Variants in DOCK10 observed in about 807,000 individuals in gnomAD.
DOCK10 encodes dedicator of cytokinesis 10.
A neutral mutation model predicts 280.1 loss-of-function variants in DOCK10; 145 were observed. The observed-to-expected ratio is 0.52, with a 90% CI of 0.45 to 0.59. The LOEUF is 0.59. Among genes scored for constraint, DOCK10 ranks in the 20% least tolerant of loss-of-function variants. The pLI, the probability that DOCK10 is intolerant of heterozygous loss-of-function variation, is 0.00. For missense variants in DOCK10, 2,368 were observed against 2,651.7 expected, an observed-to-expected ratio of 0.89 and a Z score of 2.35; for synonymous variants, 915 against 942.2, an observed-to-expected ratio of 0.97 and a Z score of 0.53.
At chr2:224,841,173 T>G (rs1339799077) in intron 23 of DOCK10, among the ~76,000 whole-genome samples, 1 of 152,172 alleles carries the variant, frequency 6.6e-6, no homozygotes, top group Non-Finnish European at 1.5e-5. Flanking sequence ...GGAGGAATAT[T>G]GCACAACATG....
chr2:224,910,452 G>C (rs1700945608), intron 3 of DOCK10, among the ~76,000 whole-genome samples: 1 of 152,214 alleles, frequency 6.6e-6, no homozygotes, highest in South Asian at 2.1e-4. Context: ...GGACGGAGCT[G>C]GTGGCATGTG....
At chr2:224,931,789 C>A in intron 1 of DOCK10, 121 bp from the exon 2 acceptor site, 2 of 1,099,974 alleles carry the variant, frequency 1.8e-6, no homozygotes, top group Non-Finnish European at 2.5e-6. Flanking sequence ...CCTTCCAATG[C>A]AGTCACAGAG....
chr2:224,991,090 G>A (rs1041112628), intron 1 of DOCK10, among the ~76,000 whole-genome samples: 1 of 152,218 alleles, frequency 6.6e-6, no homozygotes, highest in Admixed American at 6.5e-5. Flanking sequence ...CTACTGGAAG[G>A]ATGTCCCCGG....
intron 3 of DOCK10, among the ~76,000 whole-genome samples, chr2:224,898,136 G>C (rs371083505): frequency 2.9e-4 from 44 of 152,182 alleles, no homozygotes; most frequent in Non-Finnish European, 5.6e-4. Flanking sequence ...AGGATGGAGG[G>C]GGGTGGCCTA....
intron 1 of DOCK10, among the ~76,000 whole-genome samples, chr2:224,984,896 C>T (rs903095483): frequency 3.1e-4 from 45 of 146,042 alleles, no homozygotes; most frequent in African/African-American, 1.1e-3. Flanking sequence ...GGCTGGAGTA[C>T]AGTGGCAGGA....
intron 25 of DOCK10, among the ~76,000 whole-genome samples, chr2:224,835,654 T>G (rs1695543432): frequency 6.6e-6 from 1 of 152,098 alleles, no homozygotes; most frequent in Admixed American, 6.5e-5. Flanking sequence ...AGGAGAAAAC[T>G]GAGGTTCAGA....
At position 224,896,308 on chromosome 2, in the gene DOCK10, G is replaced by A. The variant is rs752177201; in HGVS notation, c.403C>T (p.Arg135Ter). 3.8e-6 allele frequency: 6 copies of A among 1,598,692 alleles called. No individual in the cohort carries two copies. Among genetic ancestry groups the A allele is most frequent in the African/African-American group, 1.3e-5 (1 of 74,462 alleles). Residue 135 changes from arginine to a stop codon, truncating the protein, a stop_gained, in exon 4 of 56, where the codon CGA becomes TGA. Transcript: ENST00000258390. LOFTEE classifies it high-confidence loss of function. ...YKYEQYSGDI[R>*]QLPRAEYKPE... ...ACAGGTTCTTACCGGGGTAGCTGTC[G>A]AATGTCTCCAGAATATTGTTCATAT...
At chr2:225,012,219 G>C (rs192737257) in intron 1 of DOCK10, among the ~76,000 whole-genome samples, 1 of 152,086 alleles carries the variant, frequency 6.6e-6, no homozygotes, top group Non-Finnish European at 1.5e-5. Context: ...GTAGCTTAAC[G>C]GCTCTTTGCT....
At chr2:224,852,818 G>A in intron 17 of DOCK10, 117 bp downstream of exon 17, 1 of 894,278 alleles carries the variant, frequency 1.1e-6, no homozygotes, top group Non-Finnish European at 1.6e-6. Context: ...TCTCCAAACG[G>A]TTTTCTATGA....
chr2:224,793,460 G>A lies in DOCK10; in HGVS notation c.5155-3C>T, dbSNP rs776319907. Reference sequence around the variant, plus strand: ...ATATGGATGTAACACATGGCAGCCTGTAATGAGAAAGAAAATAAAGAGGCT... The same window carrying A: ...ATATGGATGTAACACATGGCAGCCTATAATGAGAAAGAAAATAAAGAGGCT... On this transcript the variant is annotated splice_region_variant and splice_polypyrimidine_tract_variant and intron_variant, in intron 45 of 55. Transcript: ENST00000258390. 2 of 1,612,398 alleles carry A rather than the reference G, an allele frequency of 1.2e-6. No individual in the cohort carries two copies. The highest frequency in any genetic ancestry group is 1.7e-6 in the Non-Finnish European group (2 of 1,179,050).
intron 1 of DOCK10, among the ~76,000 whole-genome samples, chr2:225,014,087 T>G (rs866387150): frequency 4.5e-5 from 4 of 87,918 alleles, no homozygotes; most frequent in East Asian, 2.9e-4. Context: ...ATATATTGTT[T>G]TTTTTTTTTT....
intron 40 of DOCK10, among the ~76,000 whole-genome samples, chr2:224,801,169 A>G (rs1204858151): frequency 6.6e-6 from 1 of 150,816 alleles, no homozygotes; most frequent in East Asian, 2.0e-4. Flanking sequence ...CCAGACTCTC[A>G]GTTGATTCTC....
In DOCK10 at chr2:224,856,961, C is replaced by G. The variant is rs1466056184; in HGVS notation, c.1707G>C (p.Gln569His). Residue 569 changes from glutamine (Q) to histidine (H), a missense_variant, in exon 15 of 56, where the codon CAG becomes CAC. Transcript: ENST00000258390. Reference protein sequence around the residue: ...WAVRSVFKDNQGNVDRDSRFS... With the variant: ...WAVRSVFKDNHGNVDRDSRFS... Reference sequence around the variant, plus strand: ...ATCTTGAGTCTCTGTCCACATTTCCCTGGTTGTCCTTAAATACTGATCTAA... The same window carrying G: ...ATCTTGAGTCTCTGTCCACATTTCCGTGGTTGTCCTTAAATACTGATCTAA... The G allele has an allele frequency of 6.2e-6, 10 of 1,611,052 alleles. No homozygotes were observed. The Admixed American group carries it at 1.3e-4, about 22-fold the overall frequency.
intron 26 of DOCK10, among the ~76,000 whole-genome samples, chr2:224,832,150 T>G (rs913057722): frequency 2.0e-5 from 3 of 152,216 alleles, no homozygotes; most frequent in Admixed American, 2.0e-4. Context: ...GATAACAGTT[T>G]TAAATTTTGT....
At chr2:224,806,684 A>G (rs1033966100) in intron 33 of DOCK10, among the ~76,000 whole-genome samples, 3 of 152,184 alleles carry the variant, frequency 2.0e-5, no homozygotes, top group Non-Finnish European at 4.4e-5. Context: ...AGTTCACTGC[A>G]GCCTCAACCT....
intron 52 of DOCK10, among the ~76,000 whole-genome samples, chr2:224,774,182 C>A (rs1006755593): frequency 6.6e-6 from 1 of 152,146 alleles, no homozygotes; most frequent in Admixed American, 6.5e-5. Flanking sequence ...GCTCTCAAAG[C>A]GGGTTACTGA....
At chr2:225,022,377 C>T (rs1689804652) in intron 1 of DOCK10, among the ~76,000 whole-genome samples, 1 of 152,146 alleles carries the variant, frequency 6.6e-6, no homozygotes, top group Non-Finnish European at 1.5e-5. Context: ...CCGCAGGTGC[C>T]CTTTCACCTA....
chr2:224,807,875 T>C (rs561330307), intron 32 of DOCK10, 36 bp downstream of exon 32: 3 of 1,597,256 alleles, frequency 1.9e-6, no homozygotes, highest in Admixed American at 1.7e-5. Flanking sequence ...AGCCATTAAA[T>C]GGTGTTTAGG....
chr2:224,823,379 A>T, intron 28 of DOCK10, 122 bp downstream of exon 28: 1 of 799,266 alleles, frequency 1.3e-6, no homozygotes. Flanking sequence ...GAAAGTTTTC[A>T]TCTGACAGTG....
Sources: gnomAD v4.1 joint callset for allele counts (sites outside exome capture counted in the v4.1 genomes callset) on GRCh38, gnomAD v4.1.1 for gene constraint, MANE v1.5 for transcripts, NCBI Gene and HGNC (gene_info 2026-07-23, HGNC 2026-07-21) for gene names.